The following XXYLT1 variants were observed in gnomAD, a reference collection of about 807,000 sequenced individuals.
The protein encoded by XXYLT1 is UDP-xylose:alpha-xyloside alpha-1,3-xylosyltransferase.
XXYLT1 carries 20 observed loss-of-function variants against 28.9 expected under a neutral mutation model. The observed-to-expected ratio is 0.69, with a 90% CI of 0.49 to 1.00. The LOEUF is 1.00. XXYLT1 is among the 50% of genes least tolerant of loss of function. The pLI is 0.00. For missense variants in XXYLT1, 542 were observed against 560.1 expected (o/e 0.97, Z 0.33); for synonymous variants, 257 against 253.8 (o/e 1.01, Z -0.12).
At chr3:195,103,323 C>T (rs538525841) in intron 3 of XXYLT1, among the ~76,000 whole-genome samples, 14 of 129,770 alleles carry the variant, frequency 1.1e-4, no homozygotes, top group Middle Eastern at 3.7e-3. Context: ...CGACCTGCGT[C>T]CATCACCCCA....
chr3:195,110,337 A>ACGTGGTGTATGTGTGTGG (rs1178063940), intron 3 of XXYLT1, among the ~76,000 whole-genome samples: 182 of 2,182 alleles, frequency 0.083, 3 homozygotes, highest in African/African-American at 0.14. Flanking sequence ...AGGTGTGTGT[A>ACGTGGTGTATGTGTGTGG]TGTGTGTGGT....
At chr3:195,123,764 C>A (rs370688648) in intron 3 of XXYLT1, among the ~76,000 whole-genome samples, 2 of 152,146 alleles carry the variant, frequency 1.3e-5, no homozygotes, top group African/African-American at 2.4e-5. Flanking sequence ...GACGCGGGCA[C>A]GATAATCACA....
chr3:195,187,082 AC>A (rs1354416221), intron 2 of XXYLT1, among the ~76,000 whole-genome samples: 3 of 150,726 alleles, frequency 2.0e-5, no homozygotes, highest in African/African-American at 7.3e-5. Flanking sequence ...TTTAATAGAG[AC>A]GGGAATTAGC....
chr3:195,159,948 C>T (rs761779986), intron 2 of XXYLT1, among the ~76,000 whole-genome samples: 21 of 152,122 alleles, frequency 1.4e-4, no homozygotes, highest in Non-Finnish European at 3.1e-4. Flanking sequence ...TCTCCATTTC[C>T]CTCCCAGGAC....
chr3:195,204,097 C>A (rs1470626254), intron 2 of XXYLT1, among the ~76,000 whole-genome samples: 2 of 152,178 alleles, frequency 1.3e-5, no homozygotes, highest in Non-Finnish European at 2.9e-5. Context: ...GGAATCCCAG[C>A]ATTTTGGGAG....
At chr3:195,231,449 T>A (rs553461362) in intron 1 of XXYLT1, among the ~76,000 whole-genome samples, 9 of 152,090 alleles carry the variant, frequency 5.9e-5, no homozygotes, top group Non-Finnish European at 8.8e-5. Context: ...GTGGGCATCC[T>A]TGTTATTTCA....
intron 3 of XXYLT1, among the ~76,000 whole-genome samples, chr3:195,093,353 A>G (rs1716219903): frequency 9.1e-6 from 1 of 109,848 alleles, no homozygotes; most frequent in Non-Finnish European, 1.8e-5. Context: ...TGCAGCCATA[A>G]AAAATGATGA....
intron 2 of XXYLT1, among the ~76,000 whole-genome samples, chr3:195,167,121 C>A (rs551974805): frequency 6.6e-6 from 1 of 152,352 alleles, no homozygotes; most frequent in East Asian, 1.9e-4. Context: ...GCACATGGTG[C>A]CAGTGTGTCC....
At chr3:195,190,586 C>T (rs56879153) in intron 2 of XXYLT1, among the ~76,000 whole-genome samples, 2,633 of 143,570 alleles carry the variant, frequency 0.018, 78 homozygotes, top group African/African-American at 0.063. Context: ...CAGGAAGAAA[C>T]GAAGAGCACC....
At chr3:195,118,837 C>A (rs1332807702) in intron 3 of XXYLT1, among the ~76,000 whole-genome samples, 1 of 152,140 alleles carries the variant, frequency 6.6e-6, no homozygotes, top group South Asian at 2.1e-4. Context: ...AAGGAGGTGA[C>A]GTAGTAAACT....
chr3:195,127,562 G>A (rs561555631), intron 3 of XXYLT1, among the ~76,000 whole-genome samples: 3 of 152,240 alleles, frequency 2.0e-5, no homozygotes, highest in Non-Finnish European at 4.4e-5. Flanking sequence ...GATTACTTGA[G>A]CCCAGGAGTT....
At chr3:195,249,446 T>G (rs1367996662) in intron 1 of XXYLT1, among the ~76,000 whole-genome samples, 3 of 152,202 alleles carry the variant, frequency 2.0e-5, no homozygotes, top group African/African-American at 7.2e-5. Flanking sequence ...CATGGCACAC[T>G]GGCACCTGCT....
At chr3:195,185,243 G>GGGT (rs1722143241) in intron 2 of XXYLT1, among the ~76,000 whole-genome samples, 1 of 152,162 alleles carries the variant, frequency 6.6e-6, no homozygotes, top group Non-Finnish European at 1.5e-5. Flanking sequence ...AGAACAGTAG[G>GGGT]GGTTTTGGAA....
chr3:195,151,732 C>T (rs968089029), intron 3 of XXYLT1, among the ~76,000 whole-genome samples: 5 of 151,914 alleles, frequency 3.3e-5, no homozygotes, highest in African/African-American at 1.2e-4. Context: ...ATACAAAACA[C>T]TTATTTGTTA....
At chr3:195,116,638 T>G (rs1354717323) in intron 3 of XXYLT1, among the ~76,000 whole-genome samples, 5 of 152,190 alleles carry the variant, frequency 3.3e-5, no homozygotes, top group African/African-American at 7.2e-5. Flanking sequence ...TCCCTCACCC[T>G]TACCCTGGGA....
chr3:195,132,162 A>G (rs1718936963), intron 3 of XXYLT1, among the ~76,000 whole-genome samples: 1 of 152,230 alleles, frequency 6.6e-6, no homozygotes, highest in Non-Finnish European at 1.5e-5. Flanking sequence ...CAGCTGTGAC[A>G]TGCTGGCCAT....
intron 3 of XXYLT1, chr3:195,146,651 A>G (rs1429516058): frequency 6.6e-6 from 1 of 152,274 alleles, no homozygotes; most frequent in Non-Finnish European, 1.5e-5. Flanking sequence ...TTTTCAGAGG[A>G]AAGAAGGGAA....
Position 195,176,586 on chromosome 3 carries a change from T to C in XXYLT1, c.653-20005A>G, listed in dbSNP as rs1469975653. On this transcript the variant is annotated intron_variant, in intron 2 of 3. Transcript: ENST00000310380. This position sits in a 1 kb window ranked among gnomAD's most constrained non-coding sequence, Gnocchi z 4.9. The stretch of plus-strand genomic sequence containing the variant: ...TATAATTTGATTAATTTATCGTGTT[T>C]ATTAAGCTCCCTAGCTTCTCCAGTT... 6.6e-6 allele frequency among the ~76,000 whole-genome samples: 1 copy of C among 152,236 alleles called. No individual in the cohort carries two copies. Among genetic ancestry groups the C allele is most frequent in the Non-Finnish European group, 1.5e-5 (1 of 68,050 alleles).
intron 2 of XXYLT1, among the ~76,000 whole-genome samples, chr3:195,159,452 A>G (rs1216540707): frequency 6.6e-6 from 1 of 152,138 alleles, no homozygotes; most frequent in African/African-American, 2.4e-5. Context: ...CCCACTCCCA[A>G]CACAGGCCAT....
Sources: gnomAD v4.1 joint callset for allele counts (sites outside exome capture counted in the v4.1 genomes callset) on GRCh38, gnomAD v4.1.1 for gene constraint, Gnocchi (gnomAD v3.1) non-coding constraint, MANE v1.5 for transcripts, NCBI Gene and HGNC (gene_info 2026-07-23, HGNC 2026-07-21) for gene names.